The following ADRA1B variants were observed in gnomAD, a reference collection of about 807,000 sequenced individuals.
ADRA1B encodes adrenoceptor alpha 1B.
A neutral mutation model predicts 17.9 loss-of-function variants in ADRA1B; 17 were observed. The observed-to-expected ratio is 0.95, with a 90% CI of 0.65 to 1.42. ADRA1B has a LOEUF of 1.42. ADRA1B is among the 40% of genes most tolerant of loss of function. The pLI is 0.00. For synonymous variants in ADRA1B, 366 were observed against 327.6 expected (o/e 1.12, Z -1.27); for missense variants, 681 against 722.1 (o/e 0.94, Z 0.65).
intron 1 of ADRA1B, chr5:159,871,330 T>C (rs182491647): frequency 3.3e-5 from 5 of 152,284 alleles, no homozygotes; most frequent in Admixed American, 2.0e-4. Flanking sequence ...GGGGTCTATA[T>C]TGGTCTCTAA....
At chr5:159,939,342 A>C in intron 1 of ADRA1B, among the ~76,000 whole-genome samples, 3 of 135,842 alleles carry the variant, frequency 2.2e-5, no homozygotes, top group South Asian at 2.4e-4. Flanking sequence ...CGCGCACACA[A>C]TGCACTGAGG....
chr5:159,950,979 G>T, intron 1 of ADRA1B: 1 of 618,206 alleles, frequency 1.6e-6, no homozygotes, highest in Admixed American at 2.0e-5. Context: ...ACTGTATTCT[G>T]GAATCTTTCC....
In ADRA1B at chr5:159,921,398, T is replaced by C. The variant is rs1023711072; in HGVS notation, c.949+3544T>C. 2.0e-5 allele frequency among the ~76,000 whole-genome samples: 3 copies of C among 152,346 alleles called. No homozygotes were observed. The East Asian group carries it at 5.8e-4, about 29-fold the overall frequency. On this transcript the variant is annotated intron_variant, in intron 1 of 1. Transcript: ENST00000306675. ...CTTACTCCATGAGCCATTTGCAAGA[T>C]GTCAGAGAATCTTCAGCTGCCCAGC...
At chr5:159,921,956 AGTAC>A (rs1754494214) in intron 1 of ADRA1B, among the ~76,000 whole-genome samples, 1 of 152,246 alleles carries the variant, frequency 6.6e-6, no homozygotes, top group Non-Finnish European at 1.5e-5. Context: ...AATTGGTTTG[AGTAC>A]TTGGCAAGGG....
chr5:159,970,683 C>T, intron 1 of ADRA1B, among the ~76,000 whole-genome samples: 1 of 152,198 alleles, frequency 6.6e-6, no homozygotes, highest in South Asian at 2.1e-4. Flanking sequence ...CAGCCTGTGC[C>T]CCCACCAGCC....
intron 1 of ADRA1B, among the ~76,000 whole-genome samples, chr5:159,871,774 G>T: frequency 6.6e-6 from 1 of 152,216 alleles, no homozygotes; most frequent in East Asian, 1.9e-4. Flanking sequence ...CTAAGAAAGA[G>T]AATTTTAAAA....
chr5:159,935,316 T>G (rs1754924693), intron 1 of ADRA1B, among the ~76,000 whole-genome samples: 1 of 152,238 alleles, frequency 6.6e-6, no homozygotes, highest in Non-Finnish European at 1.5e-5. Context: ...ATTGTTTCAA[T>G]ATTTAGATTT....
chr5:159,946,669 A>G (rs550358460), intron 1 of ADRA1B, among the ~76,000 whole-genome samples: 2 of 152,368 alleles, frequency 1.3e-5, no homozygotes, highest in Non-Finnish European at 2.9e-5. Flanking sequence ...TGAATTTTGT[A>G]TTCTGTGATG....
At chr5:159,934,735 G>T (rs945579046) in intron 1 of ADRA1B, among the ~76,000 whole-genome samples, 8 of 151,804 alleles carry the variant, frequency 5.3e-5, no homozygotes, top group African/African-American at 1.9e-4. Flanking sequence ...CCTGAACCCA[G>T]GAGGTGGAGG....
At chr5:159,978,116 A>G in the ADRA1B span, among the ~76,000 whole-genome samples, 1 of 151,960 alleles carries the variant, frequency 6.6e-6, no homozygotes, top group Non-Finnish European at 1.5e-5. Flanking sequence ...TTATATGTGT[A>G]TTGTCTGTTT....
downstream of ADRA1B, among the ~76,000 whole-genome samples, chr5:159,976,701 G>A (rs1223539730): frequency 6.7e-6 from 1 of 149,652 alleles, no homozygotes; most frequent in Non-Finnish European, 1.5e-5. Flanking sequence ...TACTTAAAAA[G>A]GTCATCAGTC....
chr5:159,934,421 T>C (rs34235993), intron 1 of ADRA1B, among the ~76,000 whole-genome samples: 27,718 of 151,956 alleles, frequency 0.18, 2,627 homozygotes, highest in East Asian at 0.34. Context: ...CCCCCTCGTC[T>C]TGAGGAAGAC....
intron 1 of ADRA1B, among the ~76,000 whole-genome samples, chr5:159,963,989 C>G (rs190659540): frequency 6.6e-6 from 1 of 151,912 alleles, no homozygotes; most frequent in African/African-American, 2.4e-5. Context: ...CACCCCACCC[C>G]GGAAAAAAAA....
At chr5:159,942,474 C>T (rs1755161504) in intron 1 of ADRA1B, among the ~76,000 whole-genome samples, 1 of 152,122 alleles carries the variant, frequency 6.6e-6, no homozygotes, top group Non-Finnish European at 1.5e-5. Flanking sequence ...GACTGTGATA[C>T]AGCAGTTAGA....
chr5:159,912,115 A>G (rs1487222844), upstream of ADRA1B, among the ~76,000 whole-genome samples: 1 of 152,226 alleles, frequency 6.6e-6, no homozygotes, highest in African/African-American at 2.4e-5. Context: ...CCTAACAGAT[A>G]GTATTACTAT....
chr5:159,955,200 T>C, intron 1 of ADRA1B: 10 of 985,358 alleles, frequency 1.0e-5, no homozygotes, highest in Non-Finnish European at 1.2e-5. Flanking sequence ...CACTCTGTAT[T>C]GGAGAAGTCC....
intron 1 of ADRA1B, chr5:159,868,813 C>G (rs185816243): frequency 2.0e-5 from 3 of 152,246 alleles, no homozygotes; most frequent in Admixed American, 6.5e-5. Flanking sequence ...AGTTCATTGC[C>G]AACACTATTT....
At chr5:159,876,647 G>A (rs1429690658) in intron 1 of ADRA1B, among the ~76,000 whole-genome samples, 2 of 152,196 alleles carry the variant, frequency 1.3e-5, no homozygotes, top group Non-Finnish European at 2.9e-5. Context: ...TGGGGAGAAT[G>A]GTAAGTATGG....
chr5:159,968,438 T>A (rs899834935), intron 1 of ADRA1B, among the ~76,000 whole-genome samples: 5 of 152,200 alleles, frequency 3.3e-5, no homozygotes, highest in Non-Finnish European at 5.9e-5. Flanking sequence ...CACAACCACC[T>A]TCAATGGGGT....
Sources: allele counts gnomAD v4.1 joint callset (sites outside exome capture counted in the v4.1 genomes callset), GRCh38; gene constraint gnomAD v4.1.1; transcripts MANE v1.5; gene names NCBI Gene and HGNC (gene_info 2026-07-23, HGNC 2026-07-21).